Variants in OPTN observed in about 807,000 individuals in gnomAD.
The protein encoded by OPTN is optineurin.
OPTN carries 54 observed loss-of-function variants against 70.4 expected under a neutral mutation model. The ratio of observed to expected loss-of-function variants is 0.77; its 90% CI spans 0.62 to 0.96. OPTN has a LOEUF of 0.96. OPTN is among the 40% of genes least tolerant of loss of function. The pLI, the probability that OPTN is intolerant of heterozygous loss-of-function variation, is 0.00. For missense variants in OPTN, 624 were observed against 673.2 expected (o/e 0.93, Z 0.81); for synonymous variants, 256 against 248.5 (o/e 1.03, Z -0.28).
chr10:13,123,444 A>G (rs1833395609), intron 8 of OPTN, among the ~76,000 whole-genome samples: 1 of 152,260 alleles, frequency 6.6e-6, no homozygotes, highest in African/African-American at 2.4e-5. Flanking sequence ...GAGAACATTT[A>G]GAAAACAGAT....
chr10:13,115,620 A>G (rs1294735720), intron 5 of OPTN, among the ~76,000 whole-genome samples: 1 of 135,276 alleles, frequency 7.4e-6, no homozygotes, highest in Non-Finnish European at 1.5e-5. Flanking sequence ...ATATATTTCT[A>G]TATCTAAATA....
chr10:13,114,762 A>ATATAAT (rs1833087723), intron 5 of OPTN, among the ~76,000 whole-genome samples: 2 of 83,754 alleles, frequency 2.4e-5, no homozygotes, highest in Non-Finnish European at 4.1e-5. Flanking sequence ...ATATAATTGC[A>ATATAAT]TATATAATTA....
chr10:13,114,143 G>A (rs1161637746), intron 5 of OPTN, among the ~76,000 whole-genome samples: 1 of 152,030 alleles, frequency 6.6e-6, no homozygotes, highest in Non-Finnish European at 1.5e-5. Flanking sequence ...TAAGTCAGGA[G>A]GAGTGGGGAA....
At chr10:13,120,215 C>G (rs923464456) in intron 7 of OPTN, among the ~76,000 whole-genome samples, 28 of 151,780 alleles carry the variant, frequency 1.8e-4, no homozygotes, top group Admixed American at 1.7e-3. Context: ...GTCTCGATCT[C>G]CTGACCTCGT....
chr10:13,104,472 A>AGG (rs1387786963), intron 1 of OPTN: 1 of 233,670 alleles, frequency 4.3e-6, no homozygotes, highest in Non-Finnish European at 8.4e-6. Flanking sequence ...TTTAACAAAA[A>AGG]GTCTAATATG....
chr10:13,136,188 C>G (rs950889585), intron 14 of OPTN, among the ~76,000 whole-genome samples: 1 of 147,956 alleles, frequency 6.8e-6, no homozygotes, highest in Admixed American at 6.7e-5. Flanking sequence ...CTCCATCTGT[C>G]AAGAAAAAAA....
chr10:13,105,940 AT>A (rs1385423373), intron 1 of OPTN, among the ~76,000 whole-genome samples: 1 of 152,062 alleles, frequency 6.6e-6, no homozygotes, highest in Admixed American at 6.6e-5. Context: ...GAGGAAAAAA[AT>A]CTTAACAGTT....
chr10:13,101,450 G>A (rs1832745428), intron 1 of OPTN, among the ~76,000 whole-genome samples: 1 of 125,618 alleles, frequency 8.0e-6, no homozygotes, highest in Non-Finnish European at 1.5e-5. Flanking sequence ...AGGGCAACTG[G>A]ACACTGTATT....
chr10:13,118,643 G>A (rs1833272892), intron 6 of OPTN, among the ~76,000 whole-genome samples: 1 of 152,176 alleles, frequency 6.6e-6, no homozygotes, highest in African/African-American at 2.4e-5. Context: ...TGGAGGACGT[G>A]GGTGTGTGCA....
At chr10:13,130,253 C>T (rs1052319767) in intron 12 of OPTN, among the ~76,000 whole-genome samples, 1 of 151,546 alleles carries the variant, frequency 6.6e-6, no homozygotes, top group Non-Finnish European at 1.5e-5. Context: ...GGTGAAACCC[C>T]GTCTCTACTA....
chr10:13,104,708 A>G (rs1832826671), intron 1 of OPTN: 1 of 689,032 alleles, frequency 1.5e-6, no homozygotes, highest in Non-Finnish European at 2.7e-6. Context: ...AAGTCCCTGC[A>G]ATATTCCTTG....
intron 14 of OPTN, among the ~76,000 whole-genome samples, chr10:13,136,197 AAAGT>A (rs1293421659): frequency 6.6e-6 from 1 of 151,844 alleles, no homozygotes; most frequent in Non-Finnish European, 1.5e-5. Context: ...TCAAGAAAAA[AAAGT>A]AAAGAAAAGA....
At chr10:13,136,101 C>T (rs1305154308) in intron 14 of OPTN, among the ~76,000 whole-genome samples, 1 of 151,994 alleles carries the variant, frequency 6.6e-6, no homozygotes, top group Non-Finnish European at 1.5e-5. Flanking sequence ...GCAGGAGGGT[C>T]ACTGGATCCC....
At chr10:13,104,150 T>A (rs536546091) in intron 1 of OPTN, among the ~76,000 whole-genome samples, 76 of 152,276 alleles carry the variant, frequency 5.0e-4, no homozygotes, top group African/African-American at 1.8e-3. Context: ...AGATATTTCA[T>A]ATGTGCACTG....
chr10:13,119,069 GT>G (rs1236265058), intron 7 of OPTN, 29 bp downstream of exon 7: 4 of 1,606,134 alleles, frequency 2.5e-6, no homozygotes, highest in African/African-American at 1.3e-5. Flanking sequence ...TGAAATATGT[GT>G]TTTTTTAAAA....
At chr10:13,112,152 CTTTTTT>C (rs1165425749) in intron 4 of OPTN, among the ~76,000 whole-genome samples, 1 of 122,852 alleles carries the variant, frequency 8.1e-6, no homozygotes, top group Non-Finnish European at 1.7e-5. Flanking sequence ...CCTGGCTTGG[CTTTTTT>C]TTTTTTTTTT....
rs1407497286 is a variant in OPTN at position 13,122,460 on chromosome 10, G to A, written c.855G>A (p.Glu285=). The A allele has an allele frequency of 6.2e-7, 1 of 1,613,962 alleles. No homozygotes were observed. The highest frequency in any genetic ancestry group is 8.5e-7 in the Non-Finnish European group (1 of 1,179,814). ...ETQTEGSTEK[E]NDEEKGPETV... ...AGACAGAGGGGAGCACAGAGAAAGA[G>A]AATGATGAAGAGAAAGGCCCGGAGA... Residue 285 remains glutamate, a synonymous_variant, in exon 8 of 15, where the codon GAG becomes GAA. Transcript: ENST00000378747.
intron 1 of OPTN, among the ~76,000 whole-genome samples, chr10:13,103,969 ACT>A (rs367971048): frequency 3.3e-5 from 5 of 152,184 alleles, no homozygotes; most frequent in Admixed American, 6.5e-5. Context: ...ATTATGGGAA[ACT>A]CTGTTATTTG....
rs1832910393 is a variant in OPTN at position 13,108,264 on chromosome 10, G to A, written c.-37G>A. On this transcript the variant is annotated 5_prime_UTR_variant, in exon 2 of 15. Transcript: ENST00000378747. ...CATTAATGAAGATTAGTCAGTGACA[G>A]GCCTGGTGTGCTGAGTCCGCACATA... is the stretch of plus-strand genomic sequence containing the variant. 2.0e-5 allele frequency: 3 copies of A among 152,184 alleles called. No individual in the cohort carries two copies. The highest frequency in any genetic ancestry group is 4.4e-5 in the Non-Finnish European group (3 of 68,036). 9.4% of individuals were successfully genotyped at this position (152,184 alleles called of 1,614,324 possible). A position where few individuals can be genotyped will look rare whatever the true frequency, so the allele number is the denominator to read the frequency against.
Sources: allele counts gnomAD v4.1 joint callset (sites outside exome capture counted in the v4.1 genomes callset), GRCh38; gene constraint gnomAD v4.1.1; transcripts MANE v1.5; gene names NCBI Gene and HGNC (gene_info 2026-07-23, HGNC 2026-07-21).